CLVS1: variants seen among roughly 807,000 people sequenced by gnomAD.
The protein encoded by CLVS1 is clavesin 1, also known as clavesin-1.
In CLVS1, 10 loss-of-function variants were observed where a neutral mutation model predicts 33.1. That is an observed-to-expected ratio of 0.30 (90% CI 0.19 to 0.51). The LOEUF (loss-of-function observed/expected upper bound fraction) is 0.51. Ranked by LOEUF, CLVS1 falls within the 20% of genes least tolerant of loss-of-function variation. CLVS1 has a pLI of 0.97. For synonymous variants in CLVS1, 163 were observed against 166.1 expected (o/e 0.98, Z 0.14); for missense variants, 343 against 433.4 (o/e 0.79, Z 1.85).
At chr8:61,338,224 T>C (rs970289731) in intron 2 of CLVS1, among the ~76,000 whole-genome samples, 3 of 152,216 alleles carry the variant, frequency 2.0e-5, no homozygotes, top group African/African-American at 7.2e-5. Flanking sequence ...TGAATTGTTA[T>C]AGGTTTGAGC....
chr8:61,166,886 T>C (rs1806877454), intron 2 of CLVS1, among the ~76,000 whole-genome samples: 3 of 150,750 alleles, frequency 2.0e-5, no homozygotes, highest in Non-Finnish European at 3.0e-5. Context: ...TTTTTCTTTT[T>C]TTTCTTTTTT....
upstream of CLVS1, among the ~76,000 whole-genome samples, chr8:61,285,353 C>T (rs1333092802): frequency 6.6e-6 from 1 of 152,162 alleles, no homozygotes; most frequent in Non-Finnish European, 1.5e-5. Context: ...AGGTCCTTTG[C>T]ACAGAACAGA....
At chr8:61,066,633 G>A (rs1242763098) in intron 1 of CLVS1, among the ~76,000 whole-genome samples, 3 of 152,196 alleles carry the variant, frequency 2.0e-5, no homozygotes, top group Non-Finnish European at 4.4e-5. Flanking sequence ...TGGGGCATGA[G>A]CATCATTCTC....
rs183647207 is a variant in CLVS1, at chr8:61,133,149, A to G, written c.-152+1289A>G. 2.9e-3 allele frequency among the ~76,000 whole-genome samples: 442 copies of G among 152,318 alleles called. 1 individual carries two copies. The highest frequency in any genetic ancestry group is 5.3e-3 in the Non-Finnish European group (362 of 68,020). The stretch of plus-strand genomic sequence containing the variant: ...TCTGCCTGGTGGGGGACACCAGGGG[A>G]CATTACCCTCAAGGAGTTAGCCTGT... On this transcript the variant is annotated intron_variant, in intron 2 of 2. Coordinates refer to the CLVS1 transcript ENST00000522621.
intron 2 of CLVS1, among the ~76,000 whole-genome samples, chr8:61,333,371 A>G (rs532643842): frequency 1.3e-5 from 2 of 152,354 alleles, no homozygotes; most frequent in East Asian, 3.9e-4. Context: ...ACAGATCTTT[A>G]TAGGGTCCTA....
chr8:61,480,171 GC>G (rs1193264851), intron 5 of CLVS1, among the ~76,000 whole-genome samples: 10 of 152,230 alleles, frequency 6.6e-5, no homozygotes, highest in Admixed American at 6.5e-4. Flanking sequence ...TCTGTGCCCT[GC>G]CCCCAGAGGT....
At chr8:61,180,737 C>T (rs574823277) in intron 2 of CLVS1, among the ~76,000 whole-genome samples, 45 of 152,228 alleles carry the variant, frequency 3.0e-4, no homozygotes, top group African/African-American at 9.6e-4. Context: ...AAGACAGAAA[C>T]CATATGATTA....
the CLVS1 span, among the ~76,000 whole-genome samples, chr8:61,002,337 T>TG: frequency 1.3e-3 from 189 of 149,472 alleles, 1 homozygote; most frequent in Non-Finnish European, 2.5e-3. Context: ...GTTTTTTTTT[T>TG]TTTTTTTTTT....
At chr8:61,266,522 T>A (rs1310159147) in intron 2 of CLVS1, among the ~76,000 whole-genome samples, 2 of 152,188 alleles carry the variant, frequency 1.3e-5, no homozygotes, top group African/African-American at 4.8e-5. Context: ...CATCCAATCA[T>A]GCCACCCTTT....
the CLVS1 span, among the ~76,000 whole-genome samples, chr8:60,988,547 C>T: frequency 6.6e-6 from 1 of 152,082 alleles, no homozygotes; most frequent in African/African-American, 2.4e-5. Flanking sequence ...ATGAATTCTA[C>T]TTCTTAATGT....
At chr8:61,325,799 T>C (rs1453452188) in intron 2 of CLVS1, among the ~76,000 whole-genome samples, 1 of 152,164 alleles carries the variant, frequency 6.6e-6, no homozygotes, top group African/African-American at 2.4e-5. Context: ...AGAGTTTTAT[T>C]TTCCAACCCA....
intron 2 of CLVS1, among the ~76,000 whole-genome samples, chr8:61,225,131 A>G (rs1052750623): frequency 6.6e-6 from 1 of 152,126 alleles, no homozygotes; most frequent in Non-Finnish European, 1.5e-5. Flanking sequence ...AGCCCGACCA[A>G]CATGGTGAAG....
intron 1 of CLVS1, among the ~76,000 whole-genome samples, chr8:61,294,678 A>T (rs1302049980): frequency 6.6e-6 from 1 of 152,188 alleles, no homozygotes; most frequent in Non-Finnish European, 1.5e-5. Context: ...ACGTACACAC[A>T]TACATATACA....
intron 2 of CLVS1, among the ~76,000 whole-genome samples, chr8:61,317,761 C>T (rs1322224225): frequency 1.3e-5 from 2 of 152,144 alleles, no homozygotes; most frequent in Non-Finnish European, 2.9e-5. Context: ...TGTCCAAAAT[C>T]AATTTCTCTG....
intron 2 of CLVS1, among the ~76,000 whole-genome samples, chr8:61,255,377 A>AAT (rs60484891): frequency 0.14 from 21,995 of 152,096 alleles, 3,324 homozygotes; most frequent in East Asian, 0.67. Context: ...TATTCATTCA[A>AAT]TCAGCAAATG....
At chr8:61,207,459 C>A (rs554854821) in intron 2 of CLVS1, among the ~76,000 whole-genome samples, 1 of 152,256 alleles carries the variant, frequency 6.6e-6, no homozygotes, top group African/African-American at 2.4e-5. Context: ...GTGACCCCAG[C>A]ATCCTAATTC....
chr8:61,147,836 G>C (rs1806449977), intron 2 of CLVS1, among the ~76,000 whole-genome samples: 1 of 152,174 alleles, frequency 6.6e-6, no homozygotes, highest in Non-Finnish European at 1.5e-5. Flanking sequence ...TTGTATCATA[G>C]GAAAGTGAGA....
intron 2 of CLVS1, among the ~76,000 whole-genome samples, chr8:61,328,913 A>G (rs953671712): frequency 1.3e-5 from 2 of 152,304 alleles, no homozygotes; most frequent in African/African-American, 2.4e-5. Context: ...AAAATTATGA[A>G]TGGCAACCCA....
chr8:61,291,612 A>G (rs188782988), intron 1 of CLVS1, among the ~76,000 whole-genome samples: 1 of 152,238 alleles, frequency 6.6e-6, no homozygotes, highest in East Asian at 1.9e-4. Context: ...TATGTGGTCA[A>G]ATTAAAACAA....
Sources: allele counts gnomAD v4.1 joint callset (sites outside exome capture counted in the v4.1 genomes callset), GRCh38; gene constraint gnomAD v4.1.1; transcripts MANE v1.5; gene names NCBI Gene and HGNC (gene_info 2026-07-23, HGNC 2026-07-21).